Variants in CSMD2 observed in about 807,000 individuals in gnomAD.
CSMD2 encodes the protein CUB and sushi domain-containing protein 2.
A neutral mutation model predicts 398.5 loss-of-function variants in CSMD2; 130 were observed. The ratio of observed to expected loss-of-function variants is 0.33; its 90% confidence interval spans 0.28 to 0.38. CSMD2 has a LOEUF of 0.38. Ranked by LOEUF, CSMD2 falls within the 10% of genes least tolerant of loss-of-function variation. The pLI, the probability that CSMD2 is intolerant of heterozygous loss-of-function variation, is 1.00. For synonymous variants in CSMD2, 1,828 were observed against 1,908.5 expected (o/e 0.96, Z 1.10); for missense variants, 3,829 against 4,764.9 (o/e 0.80, Z 5.78).
At chr1:33,582,759 C>T (rs533582056) in intron 47 of CSMD2, among the ~76,000 whole-genome samples, 95 of 152,224 alleles carry the variant, frequency 6.2e-4, no homozygotes, top group African/African-American at 2.2e-3. Context: ...GAGTCCTGGC[C>T]CAGGTCCGTC....
intron 5 of CSMD2, 42 bp downstream of exon 5, chr1:33,918,052 T>G (rs751267033): frequency 6.4e-7 from 1 of 1,572,100 alleles, no homozygotes; most frequent in South Asian, 1.1e-5. Flanking sequence ...AATTCACAGT[T>G]GCAGAGAATA....
intron 3 of CSMD2, among the ~76,000 whole-genome samples, chr1:34,016,041 G>A (rs988381466): frequency 6.9e-6 from 1 of 145,902 alleles, no homozygotes; most frequent in Non-Finnish European, 1.5e-5. Flanking sequence ...GTGTGTGTGT[G>A]TGTATGTGTG....
At chr1:33,805,023 T>C in intron 10 of CSMD2, 1 of 623,644 alleles carries the variant, frequency 1.6e-6, no homozygotes, top group Non-Finnish European at 2.9e-6. Context: ...TCTGCAGAGG[T>C]GCTATCTTTA....
chr1:33,635,298 C>T lies in CSMD2; in HGVS notation c.5002G>A (p.Gly1668Arg), dbSNP rs1174433363. 1.2e-5 allele frequency: 19 copies of T among 1,612,820 alleles called. No individual in the cohort carries two copies. Among genetic ancestry groups the T allele is most frequent in the African/African-American group, 2.7e-5 (2 of 74,894 alleles). The change falls in exon 31 of 71, where the codon GGA becomes AGA. Residue 1668 changes from glycine to arginine, a missense_variant. Physicochemically the swap from Gly to Arg is moderately radical, Grantham distance 125. Around this residue, in one of 5 missense-constraint regions of CSMD2, gnomAD observed 2,001 missense variants for 2,567.1 expected, o/e 0.78. Coordinates refer to ENST00000373381, the MANE Select transcript of CSMD2 (RefSeq NM_001281956.2). This position sits in a 1 kb window ranked among gnomAD's most constrained non-coding sequence, Gnocchi z 5.0. ...PCGGQYVGSD[G>R]VVLSPNYPQN... Reference sequence around the variant, plus strand: ...GGGTAGTTGGGGGACAAGACCACTCCGTCCGAACCCACATACTGTCCCCCA... The same window carrying T: ...GGGTAGTTGGGGGACAAGACCACTCTGTCCGAACCCACATACTGTCCCCCA...
chr1:33,527,513 C>T (rs1410983415), intron 64 of CSMD2, among the ~76,000 whole-genome samples: 1 of 152,096 alleles, frequency 6.6e-6, no homozygotes, highest in South Asian at 2.1e-4. Flanking sequence ...TTAGACAAGA[C>T]ATTAGGATAT....
chr1:33,527,350 A>G (rs1654867895), intron 64 of CSMD2, 92 bp from the exon 65 acceptor site: 1 of 1,017,442 alleles, frequency 9.8e-7, no homozygotes, highest in Non-Finnish European at 1.5e-6. Flanking sequence ...CCTTAGGTCA[A>G]TGGGTTCTTT....
At chr1:34,107,997 A>G (rs1660688044) in intron 1 of CSMD2, among the ~76,000 whole-genome samples, 1 of 152,236 alleles carries the variant, frequency 6.6e-6, no homozygotes, top group Non-Finnish European at 1.5e-5. Flanking sequence ...CGCCTGACTC[A>G]CTGTTAAATC....
Position 33,666,541 on chromosome 1 carries a change from ATGTG to A in CSMD2, c.4053-3453_4053-3450del, listed in dbSNP as rs67825405. On this transcript the variant is annotated intron_variant, in intron 25 of 70. Coordinates refer to ENST00000373381, the MANE Select transcript of CSMD2 (RefSeq NM_001281956.2). ...TAGTTATTTATTGTCAGATATATAT[ATGTG>A]TGTGTGTGTGTGTGTGTGTGTGTTT... 6.3e-4 allele frequency among the ~76,000 whole-genome samples: 94 copies of A among 148,088 alleles called. 1 individual carries two copies. The highest frequency in any genetic ancestry group is 5.4e-4 in the African/African-American group (22 of 40,510).
intron 13 of CSMD2, among the ~76,000 whole-genome samples, chr1:33,747,608 G>A (rs907719127): frequency 3.9e-5 from 6 of 152,138 alleles, no homozygotes; most frequent in South Asian, 2.1e-4. Context: ...GGGTTGTAAC[G>A]TAAGATGCTT....
intron 1 of CSMD2, among the ~76,000 whole-genome samples, chr1:34,096,234 T>C (rs1435183904): frequency 1.3e-5 from 2 of 151,966 alleles, no homozygotes; most frequent in Non-Finnish European, 2.9e-5. Flanking sequence ...AAACTTTCAA[T>C]AAATTAGGTA....
At chr1:34,046,654 CTA>C (rs906325916) in intron 2 of CSMD2, among the ~76,000 whole-genome samples, 4 of 152,196 alleles carry the variant, frequency 2.6e-5, no homozygotes, top group African/African-American at 9.7e-5. Flanking sequence ...TGATTTGTCT[CTA>C]TGATCTGATA....
At chr1:33,690,926 C>T (rs188336519) in intron 25 of CSMD2, among the ~76,000 whole-genome samples, 2 of 152,252 alleles carry the variant, frequency 1.3e-5, no homozygotes, top group Admixed American at 1.3e-4. Context: ...AAAATATATG[C>T]AACAGGTAAT....
rs143401724 is a variant in CSMD2 at position 33,565,711 on chromosome 1, C to T, written c.8380+1882G>A. Among the ~76,000 whole-genome samples the T allele has an allele frequency of 8.5e-5, 13 of 152,082 alleles. No individual in the cohort carries two copies. The East Asian group carries it at 2.3e-3, about 27-fold the overall frequency. On this transcript the variant is annotated intron_variant, in intron 53 of 70. Transcript: ENST00000373381. The stretch of plus-strand genomic sequence containing the variant: ...CTCACCAAAAACAAAACATGTGAAG[C>T]GTAAGAAAAATGTAGCAGCATTCTA...
intron 21 of CSMD2, among the ~76,000 whole-genome samples, chr1:33,711,179 G>T (rs1160549868): frequency 3.3e-5 from 5 of 152,108 alleles, no homozygotes; most frequent in Non-Finnish European, 5.9e-5. Flanking sequence ...GAGGGTGAGG[G>T]TGAGGATTTG....
intron 25 of CSMD2, among the ~76,000 whole-genome samples, chr1:33,674,532 A>C (rs1307713696): frequency 6.6e-6 from 1 of 152,206 alleles, no homozygotes; most frequent in Non-Finnish European, 1.5e-5. Context: ...CCCCACTGTC[A>C]ACATTAGACA....
intron 1 of CSMD2, among the ~76,000 whole-genome samples, chr1:34,098,034 C>G (rs1224941051): frequency 2.3e-5 from 2 of 86,630 alleles, no homozygotes; most frequent in East Asian, 3.4e-4. Flanking sequence ...CAATGATAGA[C>G]TGGATTAAGA....
At chr1:33,927,382 T>C (rs186707414) in intron 4 of CSMD2, among the ~76,000 whole-genome samples, 213 of 152,306 alleles carry the variant, frequency 1.4e-3, no homozygotes, top group Non-Finnish European at 2.6e-3. Flanking sequence ...AGGGGAAGAA[T>C]GTAGACAGGA....
intron 24 of CSMD2, among the ~76,000 whole-genome samples, chr1:33,697,627 C>A (rs974964173): frequency 6.6e-6 from 1 of 152,218 alleles, no homozygotes; most frequent in Non-Finnish European, 1.5e-5. Flanking sequence ...CCCTTCCTCT[C>A]CCTCCTGTTG....
intron 2 of CSMD2, among the ~76,000 whole-genome samples, chr1:34,066,761 T>C (rs1655161200): frequency 6.6e-6 from 1 of 152,144 alleles, no homozygotes. Context: ...CTGAGTGTCC[T>C]GGTCCTAGAA....
Sources: allele counts gnomAD v4.1 joint callset (sites outside exome capture counted in the v4.1 genomes callset), GRCh38; gene constraint gnomAD v4.1.1; regional missense constraint gnomAD v4.1.1; non-coding constraint Gnocchi (gnomAD v3.1); transcripts MANE v1.5; gene names NCBI Gene and HGNC (gene_info 2026-07-23, HGNC 2026-07-21).